KIRREL2: variants seen among roughly 807,000 people sequenced by gnomAD.
KIRREL2 encodes the protein kirre like nephrin family adhesion molecule 2, also known as kin of IRRE-like protein 2.
In KIRREL2, 56 loss-of-function variants were observed where a neutral mutation model predicts 73.4. That is an observed-to-expected ratio of 0.76 (90% CI 0.62 to 0.95). The LOEUF (loss-of-function observed/expected upper bound fraction) is 0.95. Among genes scored for constraint, KIRREL2 ranks in the 40% least tolerant of loss-of-function variants. The probability of loss-of-function intolerance (pLI) is 0.00; values close to 1 mark genes in which losing one functional copy is unlikely to be tolerated. For missense variants in KIRREL2, 896 were observed against 935.0 expected (o/e 0.96, Z 0.54); for synonymous variants, 407 against 404.0 (o/e 1.01, Z -0.09).
At chr19:35,863,124 C>A in intron 13 of KIRREL2, 88 bp downstream of exon 13, 1 of 741,880 alleles carries the variant, frequency 1.3e-6, no homozygotes, top group Non-Finnish European at 2.3e-6. Flanking sequence ...TCAAATAGGA[C>A]TCTAAGGCCA....
upstream of KIRREL2, chr19:35,851,523 G>GCAGC: frequency 6.2e-7 from 1 of 1,613,816 alleles, no homozygotes; most frequent in Non-Finnish European, 8.5e-7. Flanking sequence ...GGGCCCAGGA[G>GCAGC]CAGCCCATCT....
chr19:35,863,798 G>GA (rs1973823172), intron 13 of KIRREL2, among the ~76,000 whole-genome samples: 1 of 150,408 alleles, frequency 6.6e-6, no homozygotes, highest in Admixed American at 6.6e-5. Context: ...TTTTGAGACG[G>GA]AGTCTTGGTC....
chr19:35,854,109 T>C (rs979772533), upstream of KIRREL2, among the ~76,000 whole-genome samples: 1 of 152,006 alleles, frequency 6.6e-6, no homozygotes, highest in Non-Finnish European at 1.5e-5. Flanking sequence ...CCCCCCAAAG[T>C]GCTGGGATTA....
Position 35,859,593 on chromosome 19 carries a change from C to T in KIRREL2, c.635C>T (p.Pro212Leu), listed in dbSNP as rs769569547. The part of the protein sequence containing the change: ...FVCRARSQAL[P>L]TGRDTAITLS... ...TGCCGGGCCCGGAGCCAGGCCCTGCCCACAGGAAGAGACACAGCTATCACA... is the reference window on the plus strand; with the variant it reads ...TGCCGGGCCCGGAGCCAGGCCCTGCTCACAGGAAGAGACACAGCTATCACA... The change falls in exon 5 of 15, where the codon CCC becomes CTC. Residue 212 changes from proline (P) to leucine (L), a missense_variant. By Grantham distance (98) the Pro-to-Leu change is moderately conservative (BLOSUM62 -3). Transcript: ENST00000360202. 2 of 1,614,050 alleles carry T rather than the reference C, an allele frequency of 1.2e-6. No homozygotes were observed. The highest frequency in any genetic ancestry group is 3.3e-5 in the Admixed American group (2 of 60,024).
At chr19:35,853,982 A>C (rs1368487847), upstream of KIRREL2, among the ~76,000 whole-genome samples, 1 of 150,210 alleles carries the variant, frequency 6.7e-6, no homozygotes, top group Non-Finnish European at 1.5e-5. Flanking sequence ...GTAGCTGGGA[A>C]TACAGGCATT....
chr19:35,857,616 AT>A, intron 2 of KIRREL2, 122 bp downstream of exon 2: 1 of 1,030,048 alleles, frequency 9.7e-7, no homozygotes, highest in Non-Finnish European at 1.4e-6. Flanking sequence ...TCGGGTAAAC[AT>A]TTAGGAGTCC....
At position 35,867,131 on chromosome 19, in the gene KIRREL2, A is replaced by G. The variant is rs1042516475; in HGVS notation, c.*639A>G. ...GTTTAATAATAAAAAAAAGTCAAAG[A>G]GGCAAGTGTGTCTTAGGGAGTCTAC... On this transcript the variant is annotated 3_prime_UTR_variant, in exon 15 of 15. Coordinates refer to ENST00000360202, the MANE Select transcript of KIRREL2 (RefSeq NM_199180.4). The G allele has an allele frequency of 8.5e-5, 13 of 153,320 alleles. No individual in the cohort carries two copies. Among genetic ancestry groups the G allele is most frequent in the African/African-American group, 3.1e-4 (13 of 41,438 alleles). 9.5% of individuals were successfully genotyped at this position (153,320 alleles called of 1,614,324 possible).
Position 35,864,634 on chromosome 19 carries a change from GT to G in KIRREL2, c.1726-12del. The G allele has an allele frequency of 6.2e-7, 1 of 1,610,072 alleles. No homozygotes were observed. Among genetic ancestry groups the G allele is most frequent in the Non-Finnish European group, 8.5e-7 (1 of 1,176,514 alleles). ...TCCTCTGACTATTCCCTCTCACTAAGTTCCCTACCCCAGGGCCCCATTGTGC... is the reference window on the plus strand; with the variant it reads ...TCCTCTGACTATTCCCTCTCACTAAGTCCCTACCCCAGGGCCCCATTGTGC... On this transcript the variant is annotated splice_polypyrimidine_tract_variant and intron_variant, in intron 13 of 14. Coordinates refer to ENST00000360202, the MANE Select transcript of KIRREL2 (RefSeq NM_199180.4).
upstream of KIRREL2, among the ~76,000 whole-genome samples, chr19:35,856,258 G>T (rs888934910): frequency 1.3e-5 from 2 of 152,104 alleles, no homozygotes; most frequent in African/African-American, 2.4e-5. This position sits in a 1 kb window ranked among gnomAD's most constrained non-coding sequence, Gnocchi z 5.9. Context: ...CCTCCCAGCC[G>T]TCGCCGGGCA....
At chr19:35,857,764 G>T (rs1476105756) in intron 2 of KIRREL2, among the ~76,000 whole-genome samples, 1 of 152,000 alleles carries the variant, frequency 6.6e-6, no homozygotes, top group Non-Finnish European at 1.5e-5. Context: ...CCAGAGGATC[G>T]CTTGAAACCA....
upstream of KIRREL2, among the ~76,000 whole-genome samples, chr19:35,853,580 T>G (rs1003690325): frequency 6.6e-6 from 1 of 152,134 alleles, no homozygotes; most frequent in Non-Finnish European, 1.5e-5. Flanking sequence ...CTTGGTTCAT[T>G]GCAGCCTCAA....
intron 14 of KIRREL2, among the ~76,000 whole-genome samples, 159 bp downstream of exon 14, chr19:35,864,872 G>A (rs967719608): frequency 5.3e-5 from 8 of 152,018 alleles, no homozygotes; most frequent in African/African-American, 1.7e-4. Flanking sequence ...TGCCCCCTGG[G>A]CCATCTCACT....
upstream of KIRREL2, among the ~76,000 whole-genome samples, chr19:35,854,928 GT>G (rs954825092): frequency 1.3e-5 from 2 of 152,018 alleles, no homozygotes; most frequent in Non-Finnish European, 2.9e-5. Flanking sequence ...CCATATGCTG[GT>G]GGGCCTGCCC....
Position 35,861,791 on chromosome 19 carries a change from T to A in KIRREL2, c.1291-14T>A, listed in dbSNP as rs199942473. 8.0e-4 allele frequency: 1,266 copies of A among 1,587,986 alleles called. 1 individual carries two copies. Among genetic ancestry groups the A allele is most frequent in the Non-Finnish European group, 7.4e-4 (868 of 1,166,664 alleles). On this transcript the variant is annotated splice_polypyrimidine_tract_variant and intron_variant, in intron 10 of 14. Transcript: ENST00000360202. ...CTCAGTCTCCTCCGTGTCCTCCCTC[T>A]TTTGTGCCCCCAGGTCTGGTCTTGG...
chr19:35,855,525 A>C (rs777712715), upstream of KIRREL2, among the ~76,000 whole-genome samples: 10 of 151,480 alleles, frequency 6.6e-5, no homozygotes, highest in Non-Finnish European at 1.0e-4. Context: ...TAAGCCACAC[A>C]GAAGCCGGGA....
At chr19:35,860,861 T>C (rs1973639090) in intron 7 of KIRREL2, 48 bp from the exon 8 acceptor site, 2 of 1,611,016 alleles carry the variant, frequency 1.2e-6, no homozygotes, top group Non-Finnish European at 1.7e-6. Flanking sequence ...CCCAGGTCAG[T>C]GGCTGCATTC....
At chr19:35,864,044 G>T (rs1242666979) in intron 13 of KIRREL2, among the ~76,000 whole-genome samples, 1 of 152,006 alleles carries the variant, frequency 6.6e-6, no homozygotes, top group African/African-American at 2.4e-5. Context: ...CAAAGTGCTG[G>T]GATTACAGGC....
At chr19:35,857,203 G>GTTGT in intron 1 of KIRREL2, 23 bp downstream of exon 1, 1 of 903,946 alleles carries the variant, frequency 1.1e-6, no homozygotes, top group Non-Finnish European at 1.8e-6. Context: ...GGGAGCGGAG[G>GTTGT]AATATGGGGT....
intron 7 of KIRREL2, 102 bp downstream of exon 7, chr19:35,860,769 G>C: frequency 6.3e-7 from 1 of 1,582,624 alleles, no homozygotes. Flanking sequence ...AGCGAGCGTG[G>C]GGTATTAGGA....
Sources: allele counts gnomAD v4.1 joint callset (sites outside exome capture counted in the v4.1 genomes callset), GRCh38; gene constraint gnomAD v4.1.1; non-coding constraint Gnocchi (gnomAD v3.1); transcripts MANE v1.5; gene names NCBI Gene and HGNC (gene_info 2026-07-23, HGNC 2026-07-21).